The following FAR2 variants were observed in gnomAD, a reference collection of about 807,000 sequenced individuals.
The protein encoded by FAR2 is fatty acyl-CoA reductase 2.
Under a neutral mutation model 56.0 loss-of-function variants are expected in FAR2, and 19 were observed. The ratio of observed to expected loss-of-function variants is 0.34; its 90% CI spans 0.24 to 0.50. FAR2 has a LOEUF of 0.50. Ranked by LOEUF, FAR2 falls within the 20% of genes least tolerant of loss-of-function variation. The pLI is 0.98. For synonymous variants in FAR2, 219 were observed against 218.8 expected (o/e 1.00, Z -0.01); for missense variants, 508 against 642.2 (o/e 0.79, Z 2.26).
At chr12:29,264,366 T>C (rs1251440281) in intron 1 of FAR2, among the ~76,000 whole-genome samples, 1 of 152,140 alleles carries the variant, frequency 6.6e-6, no homozygotes, top group African/African-American at 2.4e-5. Context: ...GCTAGTATCA[T>C]ACTGAATGGG....
chr12:29,255,034 A>T (rs1187966172), intron 1 of FAR2, among the ~76,000 whole-genome samples: 1 of 152,222 alleles, frequency 6.6e-6, no homozygotes, highest in Non-Finnish European at 1.5e-5. Flanking sequence ...CTAGTCAAAA[A>T]AATTTACATC....
intron 2 of FAR2, among the ~76,000 whole-genome samples, chr12:29,272,819 TGTG>T (rs1948640124): frequency 6.6e-6 from 1 of 152,210 alleles, no homozygotes; most frequent in South Asian, 2.1e-4. Flanking sequence ...AGGGTTTTTG[TGTG>T]GGCCTTTTTG....
At chr12:29,320,393 T>A (rs1375292806) in intron 9 of FAR2, among the ~76,000 whole-genome samples, 1 of 152,232 alleles carries the variant, frequency 6.6e-6, no homozygotes, top group Non-Finnish European at 1.5e-5. Flanking sequence ...AAGATTTAGA[T>A]AATAGTAAAG....
chr12:29,226,810 C>A (rs948336826), intron 1 of FAR2, among the ~76,000 whole-genome samples: 2 of 152,138 alleles, frequency 1.3e-5, no homozygotes, highest in South Asian at 4.2e-4. Context: ...TTGGTATTAC[C>A]CAATGTTTAC....
At chr12:29,308,719 C>CATATATATATATATATATATAT (rs71042985) in intron 5 of FAR2, among the ~76,000 whole-genome samples, 1 of 132,326 alleles carries the variant, frequency 7.6e-6, no homozygotes, top group African/African-American at 2.9e-5. Flanking sequence ...CACACACACA[C>CATATATATATATATATATATAT]ATATATATAT....
intron 1 of FAR2, among the ~76,000 whole-genome samples, chr12:29,225,766 A>G (rs1252314207): frequency 6.6e-6 from 1 of 152,232 alleles, no homozygotes; most frequent in Non-Finnish European, 1.5e-5. Flanking sequence ...AGCTTTGTTT[A>G]TCACATTAGT....
chr12:29,285,711 G>C (rs900237234), intron 2 of FAR2, among the ~76,000 whole-genome samples: 15 of 152,146 alleles, frequency 9.9e-5, no homozygotes, highest in African/African-American at 3.4e-4. Context: ...ACAAGGTGAG[G>C]AGATCGAGAC....
intron 10 of FAR2, among the ~76,000 whole-genome samples, chr12:29,325,849 G>A (rs1949634908): frequency 1.3e-5 from 2 of 152,034 alleles, no homozygotes; most frequent in Non-Finnish European, 2.9e-5. Context: ...AACTAGAGAA[G>A]CAAGAGCAAA....
At chr12:29,302,280 T>C (rs1351638223) in intron 4 of FAR2, among the ~76,000 whole-genome samples, 1 of 143,290 alleles carries the variant, frequency 7.0e-6, no homozygotes, top group East Asian at 2.0e-4. Flanking sequence ...TCTTAAGATA[T>C]AGACTATGTT....
intron 1 of FAR2, among the ~76,000 whole-genome samples, chr12:29,262,507 G>A (rs1487444627): frequency 6.6e-6 from 1 of 152,188 alleles, no homozygotes; most frequent in African/African-American, 2.4e-5. Context: ...GCGCACGCCT[G>A]TAATCCCAGC....
chr12:29,178,389 T>G lies in FAR2; in HGVS notation c.-39+28982T>G, dbSNP rs543608411. On this transcript the variant is annotated intron_variant, in intron 1 of 11. Coordinates refer to ENST00000536681, the MANE Select transcript of FAR2 (RefSeq NM_001271783.2). ...TGGGCAGATTGCTTGAGCCCAGGAG[T>G]TGGAGACTAGCCTGGGTAACATGGC... 2.4e-3 allele frequency among the ~76,000 whole-genome samples: 368 copies of G among 151,966 alleles called. 1 individual carries two copies. Among genetic ancestry groups the G allele is most frequent in the Non-Finnish European group, 3.5e-3 (240 of 67,918 alleles).
intron 1 of FAR2, among the ~76,000 whole-genome samples, chr12:29,254,959 A>G (rs1221746956): frequency 1.3e-5 from 2 of 151,980 alleles, no homozygotes; most frequent in Non-Finnish European, 2.9e-5. Flanking sequence ...TCAAAAAAAA[A>G]AAAAAAAGTT....
At chr12:29,250,474 A>C (rs1948190801) in intron 1 of FAR2, among the ~76,000 whole-genome samples, 1 of 152,196 alleles carries the variant, frequency 6.6e-6, no homozygotes, top group African/African-American at 2.4e-5. Context: ...TTGAATGTCC[A>C]AGTTTTCTGG....
chr12:29,285,767 A>G (rs1161810010), intron 2 of FAR2, among the ~76,000 whole-genome samples: 1 of 151,746 alleles, frequency 6.6e-6, no homozygotes, highest in Non-Finnish European at 1.5e-5. Context: ...AAAAATACAA[A>G]AATTAGCTGG....
At chr12:29,243,662 C>G (rs909259064) in intron 1 of FAR2, among the ~76,000 whole-genome samples, 6 of 152,022 alleles carry the variant, frequency 3.9e-5, no homozygotes, top group Non-Finnish European at 7.4e-5. Flanking sequence ...TGGAATTATG[C>G]CAGCGTTGGA....
chr12:29,281,499 T>A (rs931071806), intron 2 of FAR2: 1 of 152,216 alleles, frequency 6.6e-6, no homozygotes, highest in Non-Finnish European at 1.5e-5. Flanking sequence ...AAGTGGCTGT[T>A]AAGAAGTGTG....
chr12:29,169,203 G>A (rs1949862324), intron 1 of FAR2, among the ~76,000 whole-genome samples: 2 of 152,292 alleles, frequency 1.3e-5, no homozygotes, highest in African/African-American at 4.8e-5. Flanking sequence ...CTGCTGTTGG[G>A]AATTGGGCAA....
intron 1 of FAR2, among the ~76,000 whole-genome samples, chr12:29,195,617 A>G (rs1950137687): frequency 6.6e-6 from 1 of 152,220 alleles, no homozygotes; most frequent in African/African-American, 2.4e-5. Context: ...TATTCAGAAT[A>G]CATTTGAAAA....
chr12:29,278,783 T>TA (rs1948741858), intron 2 of FAR2, among the ~76,000 whole-genome samples: 1 of 152,230 alleles, frequency 6.6e-6, no homozygotes, highest in Non-Finnish European at 1.5e-5. Flanking sequence ...TTGATACTAT[T>TA]ACAGGTTTCT....
Sources: allele counts gnomAD v4.1 joint callset (sites outside exome capture counted in the v4.1 genomes callset), GRCh38; gene constraint gnomAD v4.1.1; transcripts MANE v1.5; gene names NCBI Gene and HGNC (gene_info 2026-07-23, HGNC 2026-07-21).